Variants in DAB1 observed in about 807,000 individuals in gnomAD.
DAB1 encodes DAB adaptor protein 1.
In DAB1, 15 loss-of-function variants were observed where a neutral mutation model predicts 64.6. The observed-to-expected ratio is 0.23, with a 90% CI of 0.16 to 0.36. The LOEUF (loss-of-function observed/expected upper bound fraction) is 0.36, where lower values mean the gene tolerates loss of function less well. Among genes scored for constraint, DAB1 ranks in the 10% least tolerant of loss-of-function variants. DAB1 has a pLI of 1.00. For missense variants in DAB1, 596 were observed against 706.7 expected (o/e 0.84, Z 1.78); for synonymous variants, 235 against 251.9 (o/e 0.93, Z 0.64).
chr1:57,576,287 T>C (rs1645249277), intron 7 of DAB1, among the ~76,000 whole-genome samples: 1 of 152,180 alleles, frequency 6.6e-6, no homozygotes, highest in Non-Finnish European at 1.5e-5. Context: ...GTGTACTAAA[T>C]GCATTTTCAA....
intron 1 of DAB1, among the ~76,000 whole-genome samples, chr1:57,301,802 C>T (rs1673683964): frequency 6.6e-6 from 1 of 152,170 alleles, no homozygotes; most frequent in African/African-American, 2.4e-5. Context: ...GGGACTCATC[C>T]TGAACCGTCT....
chr1:57,324,792 A>T (rs570888237), intron 1 of DAB1, among the ~76,000 whole-genome samples: 1 of 151,712 alleles, frequency 6.6e-6, no homozygotes, highest in East Asian at 2.0e-4. Flanking sequence ...AGCACTCTCC[A>T]TTTCTTCTTT....
chr1:57,948,094 C>T (rs1383515841), intron 5 of DAB1, among the ~76,000 whole-genome samples: 1 of 152,204 alleles, frequency 6.6e-6, no homozygotes, highest in Non-Finnish European at 1.5e-5. Flanking sequence ...GCTTCACTAA[C>T]CTTCCTTGGA....
At chr1:57,315,471 A>G (rs1675111041) in intron 1 of DAB1, among the ~76,000 whole-genome samples, 1 of 152,104 alleles carries the variant, frequency 6.6e-6, no homozygotes, top group Non-Finnish European at 1.5e-5. Context: ...GGGTAAATAG[A>G]TGCATGGATA....
At chr1:57,426,205 A>G (rs921423402), upstream of DAB1, among the ~76,000 whole-genome samples, 2 of 152,206 alleles carry the variant, frequency 1.3e-5, no homozygotes, top group Non-Finnish European at 2.9e-5. Context: ...CTTTCTATTG[A>G]CATTATGATT....
At chr1:58,446,365 T>G (rs1046144772) in intron 3 of DAB1, among the ~76,000 whole-genome samples, 1 of 152,240 alleles carries the variant, frequency 6.6e-6, no homozygotes, top group Non-Finnish European at 1.5e-5. Context: ...CTTGCTCACA[T>G]CAGCATTTCC....
At chr1:57,271,491 G>A (rs1448253452) in intron 2 of DAB1, among the ~76,000 whole-genome samples, 1 of 152,160 alleles carries the variant, frequency 6.6e-6, no homozygotes, top group Non-Finnish European at 1.5e-5. Context: ...AAGACTTACT[G>A]AACACCGACT....
intron 4 of DAB1, among the ~76,000 whole-genome samples, chr1:58,151,892 C>G (rs1654958376): frequency 6.6e-6 from 1 of 152,094 alleles, no homozygotes; most frequent in African/African-American, 2.4e-5. Flanking sequence ...AGAAAACAAC[C>G]AACTCTGTGG....
At chr1:57,234,594 T>A (rs1430711372) in intron 2 of DAB1, among the ~76,000 whole-genome samples, 1 of 152,192 alleles carries the variant, frequency 6.6e-6, no homozygotes, top group Admixed American at 6.5e-5. Context: ...ATGTAACCAG[T>A]CACCACAGAT....
At chr1:57,593,917 T>C (rs1434944514) in intron 7 of DAB1, among the ~76,000 whole-genome samples, 1 of 152,184 alleles carries the variant, frequency 6.6e-6, no homozygotes, top group Non-Finnish European at 1.5e-5. Context: ...CTCTAATTGG[T>C]CAAACTCTGA....
chr1:57,187,509 T>C (rs1442185538), intron 2 of DAB1, among the ~76,000 whole-genome samples: 2 of 152,184 alleles, frequency 1.3e-5, no homozygotes, highest in East Asian at 3.8e-4. Context: ...AATAGGTAAA[T>C]GAATACAGAA....
intron 7 of DAB1, among the ~76,000 whole-genome samples, chr1:57,513,478 AAT>A (rs1176826022): frequency 6.6e-6 from 1 of 152,114 alleles, no homozygotes; most frequent in Non-Finnish European, 1.5e-5. Flanking sequence ...GTTAATAATC[AAT>A]ATGTTTGATG....
chr1:57,534,965 G>C (rs1435230646), intron 7 of DAB1, among the ~76,000 whole-genome samples: 7 of 152,124 alleles, frequency 4.6e-5, no homozygotes, highest in Admixed American at 4.6e-4. Context: ...CCCAGATGCT[G>C]CCACAGGTAT....
At chr1:58,392,454 A>G (rs1308901257) in intron 3 of DAB1, among the ~76,000 whole-genome samples, 1 of 152,164 alleles carries the variant, frequency 6.6e-6, no homozygotes, top group African/African-American at 2.4e-5. Flanking sequence ...TACACTCTAG[A>G]CACCATTCCT....
chr1:57,061,975 G>A (rs979882246), intron 9 of DAB1, among the ~76,000 whole-genome samples: 5 of 152,154 alleles, frequency 3.3e-5, no homozygotes, highest in African/African-American at 7.2e-5. Context: ...GACTGAACAC[G>A]CTAGTTCCTT....
intron 4 of DAB1, among the ~76,000 whole-genome samples, chr1:58,167,504 T>C (rs1010465889): frequency 6.6e-6 from 1 of 152,138 alleles, no homozygotes; most frequent in Non-Finnish European, 1.5e-5. Context: ...GTAAAATGGA[T>C]CAATCAGCAG....
At chr1:57,126,167 A>G (rs972189112) in intron 4 of DAB1, among the ~76,000 whole-genome samples, 4 of 151,734 alleles carry the variant, frequency 2.6e-5, no homozygotes, top group Non-Finnish European at 5.9e-5. Context: ...AACAGTGAAA[A>G]TTCCAAGAAA....
chr1:58,138,050 TA>T (rs1654047098), intron 5 of DAB1, among the ~76,000 whole-genome samples: 1 of 152,204 alleles, frequency 6.6e-6, no homozygotes, highest in South Asian at 2.1e-4. Context: ...TGATATTATT[TA>T]AAAATATAAT....
chr1:57,887,770 A>C (rs1223164627), upstream of DAB1, among the ~76,000 whole-genome samples: 1 of 152,190 alleles, frequency 6.6e-6, no homozygotes, highest in Non-Finnish European at 1.5e-5. Flanking sequence ...AAAAGGAGAA[A>C]AATCCCAAAT....
Sources: allele counts gnomAD v4.1 joint callset (sites outside exome capture counted in the v4.1 genomes callset), GRCh38; gene constraint gnomAD v4.1.1; transcripts MANE v1.5; gene names NCBI Gene and HGNC (gene_info 2026-07-23, HGNC 2026-07-21).